PTPRM: variants seen among roughly 807,000 people sequenced by gnomAD.
PTPRM encodes the protein protein tyrosine phosphatase receptor type M.
PTPRM carries 47 observed loss-of-function variants against 186.7 expected under a neutral mutation model. The observed-to-expected ratio is 0.25, with a 90% confidence interval of 0.20 to 0.32. PTPRM has a LOEUF of 0.32. Among genes scored for constraint, PTPRM ranks in the 10% least tolerant of loss-of-function variants. The pLI, the probability that PTPRM is intolerant of heterozygous loss-of-function variation, is 1.00. For missense variants in PTPRM, 1,494 were observed against 1,865.0 expected (o/e 0.80, Z 3.66); for synonymous variants, 668 against 674.9 (o/e 0.99, Z 0.16).
chr18:8,321,866 T>C (rs1198165868), intron 22 of PTPRM, among the ~76,000 whole-genome samples: 1 of 152,320 alleles, frequency 6.6e-6, no homozygotes, highest in South Asian at 2.1e-4. Context: ...GAATCTTCTA[T>C]TATATACCAG....
At chr18:8,380,945 G>A (rs1286355171) in intron 29 of PTPRM, among the ~76,000 whole-genome samples, 2 of 152,220 alleles carry the variant, frequency 1.3e-5, no homozygotes, top group Admixed American at 6.5e-5. Context: ...TGACAGTGTC[G>A]GGGTGACAGC....
At chr18:7,864,818 C>T (rs1024155865) in intron 2 of PTPRM, among the ~76,000 whole-genome samples, 2 of 152,184 alleles carry the variant, frequency 1.3e-5, no homozygotes, top group Non-Finnish European at 2.9e-5. Flanking sequence ...ATTGATTCTT[C>T]TTATCCATGA....
chr18:7,749,957 C>T (rs2041133790), intron 1 of PTPRM, among the ~76,000 whole-genome samples: 1 of 152,216 alleles, frequency 6.6e-6, no homozygotes, highest in Non-Finnish European at 1.5e-5. Flanking sequence ...AAGAGGCCTG[C>T]TGTCTACCAT....
chr18:7,784,105 G>T (rs1598695731), intron 2 of PTPRM, among the ~76,000 whole-genome samples: 7 of 152,166 alleles, frequency 4.6e-5, no homozygotes, highest in Admixed American at 4.6e-4. Context: ...TTCTGCCTGT[G>T]GGGGATCATT....
At chr18:8,342,844 T>C (rs1371030252) in intron 22 of PTPRM, among the ~76,000 whole-genome samples, 1 of 152,168 alleles carries the variant, frequency 6.6e-6, no homozygotes, top group Non-Finnish European at 1.5e-5. Flanking sequence ...AGATGGCTAT[T>C]TATGTTCTGC....
chr18:8,010,931 A>G (rs543491265), intron 7 of PTPRM, among the ~76,000 whole-genome samples: 76 of 152,342 alleles, frequency 5.0e-4, no homozygotes, highest in African/African-American at 1.8e-3. Flanking sequence ...TTTGGATGTC[A>G]TGAAGATAAT....
chr18:8,173,759 CA>C (rs2093439986), intron 14 of PTPRM, among the ~76,000 whole-genome samples: 1 of 152,138 alleles, frequency 6.6e-6, no homozygotes, highest in African/African-American at 2.4e-5. Flanking sequence ...GCAAAAACTT[CA>C]AAAGACATCT....
chr18:7,609,298 GAGACAA>G (rs902807052), intron 1 of PTPRM, among the ~76,000 whole-genome samples: 1 of 152,156 alleles, frequency 6.6e-6, no homozygotes, highest in African/African-American at 2.4e-5. Flanking sequence ...TCTGGATGAT[GAGACAA>G]AGTTCCCAGC....
intron 4 of PTPRM, among the ~76,000 whole-genome samples, chr18:7,921,828 T>G (rs1219663255): frequency 1.3e-5 from 2 of 152,158 alleles, no homozygotes; most frequent in Non-Finnish European, 2.9e-5. Flanking sequence ...CTATTTTGAG[T>G]TTTTGGTTAT....
intron 14 of PTPRM, among the ~76,000 whole-genome samples, chr18:8,180,368 G>A (rs1047914415): frequency 3.3e-5 from 5 of 152,184 alleles, no homozygotes; most frequent in South Asian, 2.1e-4. Flanking sequence ...AGGAGCATAA[G>A]ACAGAGGGAG....
intron 7 of PTPRM, among the ~76,000 whole-genome samples, chr18:8,036,890 A>T (rs960303576): frequency 6.6e-6 from 1 of 152,168 alleles, no homozygotes; most frequent in African/African-American, 2.4e-5. Flanking sequence ...AGTTTTTCTC[A>T]TGTCCACAGT....
intron 20 of PTPRM, among the ~76,000 whole-genome samples, chr18:8,302,983 A>G (rs2095176543): frequency 6.6e-6 from 1 of 152,128 alleles, no homozygotes. Context: ...GTGAAATCTG[A>G]AAGAGAGGGA....
At chr18:8,118,820 A>T (rs1361974846) in intron 13 of PTPRM, among the ~76,000 whole-genome samples, 5 of 146,152 alleles carry the variant, frequency 3.4e-5, no homozygotes, top group Non-Finnish European at 6.0e-5. Flanking sequence ...AAATATATAT[A>T]TATATATATA....
intron 2 of PTPRM, among the ~76,000 whole-genome samples, chr18:7,859,930 G>A (rs2047279760): frequency 6.6e-6 from 1 of 152,108 alleles, no homozygotes; most frequent in Admixed American, 6.5e-5. Flanking sequence ...GTTTTCCCAG[G>A]CTCCATTTTC....
intron 7 of PTPRM, among the ~76,000 whole-genome samples, chr18:8,012,594 C>A (rs1435174165): frequency 6.6e-6 from 1 of 152,192 alleles, no homozygotes; most frequent in Non-Finnish European, 1.5e-5. Flanking sequence ...AAGTCAATAA[C>A]ATGTGACTGT....
Position 8,267,317 on chromosome 18 carries a change from A to G in PTPRM, c.2754+13903A>G, listed in dbSNP as rs181610598. On this transcript the variant is annotated intron_variant, in intron 19 of 32. Transcript: ENST00000580170. ...ATTTTTTTTCTCCATTTTAATGATGAAAAATAGTTGTAAGAGTATGGAGTA... is the reference window on the plus strand; with the variant it reads ...ATTTTTTTTCTCCATTTTAATGATGGAAAATAGTTGTAAGAGTATGGAGTA... Among the ~76,000 whole-genome samples the G allele has an allele frequency of 5.5e-3, 838 of 152,258 alleles. 9 individuals are homozygous for G. Among genetic ancestry groups the G allele is most frequent in the African/African-American group, 0.019 (790 of 41,574 alleles).
At chr18:7,620,205 C>T (rs2037904552) in intron 1 of PTPRM, among the ~76,000 whole-genome samples, 1 of 152,200 alleles carries the variant, frequency 6.6e-6, no homozygotes, top group African/African-American at 2.4e-5. Context: ...GGCTGCTACA[C>T]AGGAACCACT....
chr18:7,845,479 C>T (rs1317061347), intron 2 of PTPRM, among the ~76,000 whole-genome samples: 2 of 152,156 alleles, frequency 1.3e-5, no homozygotes, highest in African/African-American at 4.8e-5. Flanking sequence ...CTCACTCTTT[C>T]ATGACCGCAA....
At position 8,167,357 on chromosome 18, in the gene PTPRM, C is replaced by A. The variant is rs55713204; in HGVS notation, c.2300+23578C>A. On this transcript the variant is annotated intron_variant, in intron 14 of 32. Transcript: ENST00000580170. ...GCCTGTTGTTGCTTTGTGTACACTTCATTGTCACAGGGGACCAGGCTCCAC... is the reference window on the plus strand; with the variant it reads ...GCCTGTTGTTGCTTTGTGTACACTTAATTGTCACAGGGGACCAGGCTCCAC... Among the ~76,000 whole-genome samples the A allele has an allele frequency of 7.3e-3, 1,105 of 152,320 alleles. 12 individuals carry two copies. The highest frequency in any genetic ancestry group is 0.025 in the African/African-American group (1,024 of 41,564).
Sources: gnomAD v4.1 joint callset for allele counts (sites outside exome capture counted in the v4.1 genomes callset) on GRCh38, gnomAD v4.1.1 for gene constraint, MANE v1.5 for transcripts, NCBI Gene and HGNC (gene_info 2026-07-23, HGNC 2026-07-21) for gene names.